LANCL2: variants seen among roughly 807,000 people sequenced by gnomAD.
LANCL2 encodes the protein LanC like glutathione S-transferase 2.
Under a neutral mutation model 56.9 loss-of-function variants are expected in LANCL2, and 33 were observed. That is an observed-to-expected ratio of 0.58 (90% CI 0.44 to 0.78). The LOEUF (loss-of-function observed/expected upper bound fraction) is 0.78, where lower values mean the gene tolerates loss of function less well. LANCL2 is among the 30% of genes least tolerant of loss of function. The probability of loss-of-function intolerance (pLI) is 0.00; values close to 1 mark genes in which losing one functional copy is unlikely to be tolerated. For missense variants in LANCL2, 562 were observed against 580.2 expected (o/e 0.97, Z 0.32); for synonymous variants, 233 against 228.2 (o/e 1.02, Z -0.19).
chr7:55,369,460 C>A (rs565000589), intron 1 of LANCL2, among the ~76,000 whole-genome samples: 3 of 152,232 alleles, frequency 2.0e-5, no homozygotes, highest in African/African-American at 7.2e-5. Context: ...CTTCTCTGGG[C>A]CATATTTCCA....
At chr7:55,428,330 C>A in intron 7 of LANCL2, 45 bp from the exon 8 acceptor site, 1 of 1,533,732 alleles carries the variant, frequency 6.5e-7, no homozygotes, top group Non-Finnish European at 9.0e-7. Context: ...TGCCTTTTCA[C>A]CAGGTAGAAA....
intron 8 of LANCL2, among the ~76,000 whole-genome samples, chr7:55,430,043 T>G (rs1471741584): frequency 1.3e-5 from 2 of 152,212 alleles, no homozygotes; most frequent in African/African-American, 4.8e-5. Context: ...CACCGCCCAG[T>G]GGATCCGCTG....
chr7:55,428,187 A>G, intron 7 of LANCL2, 188 bp from the exon 8 acceptor site: 1 of 607,368 alleles, frequency 1.6e-6, no homozygotes, highest in South Asian at 2.0e-5. Flanking sequence ...CAGCTGAGGC[A>G]GCCGCAAGCA....
chr7:55,431,617 C>A lies in LANCL2; in HGVS notation c.*297C>A. The A allele has an allele frequency of 3.1e-6, 1 of 317,666 alleles. No individual in the cohort carries two copies. Among genetic ancestry groups the A allele is most frequent in the African/African-American group, 2.1e-5 (1 of 46,880 alleles). The allele number at this position is 317,666 out of a possible 1,614,324, so 19.7% of individuals were successfully genotyped here. A position where few individuals can be genotyped will look rare whatever the true frequency, so the allele number is the denominator to read the frequency against. Reference sequence around the variant, plus strand: ...TGGAAGGCCCTTCTATTCCTGAGGGCTCAGAGCTGACCATGCATGAATGTA... The same window carrying A: ...TGGAAGGCCCTTCTATTCCTGAGGGATCAGAGCTGACCATGCATGAATGTA... On this transcript the variant is annotated 3_prime_UTR_variant, in exon 9 of 9. Transcript: ENST00000254770.
At chr7:55,403,549 G>T (rs1562864800) in intron 5 of LANCL2, among the ~76,000 whole-genome samples, 1 of 147,212 alleles carries the variant, frequency 6.8e-6, no homozygotes, top group East Asian at 2.0e-4. Flanking sequence ...ACTTTTCTGG[G>T]TTTTTTTTGT....
chr7:55,425,065 T>G (rs534665128), intron 6 of LANCL2, among the ~76,000 whole-genome samples, 189 bp from the exon 7 acceptor site: 1 of 152,214 alleles, frequency 6.6e-6, no homozygotes, highest in Non-Finnish European at 1.5e-5. Flanking sequence ...GCTGGGCTAA[T>G]GGATTGAGAT....
intron 1 of LANCL2, among the ~76,000 whole-genome samples, chr7:55,379,234 T>C (rs1304119808): frequency 6.6e-6 from 1 of 152,200 alleles, no homozygotes; most frequent in Non-Finnish European, 1.5e-5. Context: ...TAGGTTACCA[T>C]GATAGAGCTA....
At chr7:55,366,672 G>A (rs1789877003) in intron 1 of LANCL2, among the ~76,000 whole-genome samples, 1 of 152,218 alleles carries the variant, frequency 6.6e-6, no homozygotes, top group South Asian at 2.1e-4. Context: ...TGTCCGTACT[G>A]TCTGTGTGCC....
At chr7:55,366,797 C>T (rs890050551) in intron 1 of LANCL2, among the ~76,000 whole-genome samples, 1 of 152,202 alleles carries the variant, frequency 6.6e-6, no homozygotes, top group Non-Finnish European at 1.5e-5. Context: ...ACATACATCT[C>T]TTGAATATGT....
In LANCL2 at chr7:55,365,978, G is replaced by C. The variant is rs1380004720; in HGVS notation, c.-48G>C. On this transcript the variant is annotated 5_prime_UTR_variant, in exon 1 of 9. Coordinates refer to ENST00000254770, the MANE Select transcript of LANCL2 (RefSeq NM_018697.4). ...AGGCGGCGGCGGGGCGAGCTGCAGCGCCGGGACAGGAGGTTTGTCCCCGCC... is the reference window on the plus strand; with the variant it reads ...AGGCGGCGGCGGGGCGAGCTGCAGCCCCGGGACAGGAGGTTTGTCCCCGCC... 3 of 1,344,302 alleles carry C rather than the reference G, an allele frequency of 2.2e-6. No homozygotes were observed. Among genetic ancestry groups the C allele is most frequent in the Non-Finnish European group, 2.9e-6 (3 of 1,029,448 alleles). The allele number at this position is 1,344,302 out of a possible 1,614,324, so 83.3% of individuals were successfully genotyped here.
rs1330883282 is a variant in LANCL2, at chr7:55,365,511, C to T, written c.-515C>T. The T allele has an allele frequency of 6.6e-6, 1 of 152,426 alleles. No homozygotes were observed. 9.4% of individuals were successfully genotyped at this position (152,426 alleles called of 1,614,324 possible). A position where few individuals can be genotyped will look rare whatever the true frequency, so the allele number is the denominator to read the frequency against. ...GACGGCGCGCCAGGGGCTGAGCTCG[C>T]CCCGGTCGGCGACGCGCACACACCT... On this transcript the variant is annotated 5_prime_UTR_variant, in exon 1 of 9. Coordinates refer to ENST00000254770, the MANE Select transcript of LANCL2 (RefSeq NM_018697.4).
At chr7:55,367,173 G>T (rs1789884646) in intron 1 of LANCL2, among the ~76,000 whole-genome samples, 1 of 152,196 alleles carries the variant, frequency 6.6e-6, no homozygotes, top group Admixed American at 6.5e-5. Flanking sequence ...AGAATCTAAC[G>T]TGGGAGGCAA....
At chr7:55,424,452 G>T (rs1309794258) in intron 6 of LANCL2, among the ~76,000 whole-genome samples, 2 of 152,262 alleles carry the variant, frequency 1.3e-5, no homozygotes, top group African/African-American at 4.8e-5. Context: ...GATGTGTACT[G>T]ATCAGTGTAT....
intron 5 of LANCL2, among the ~76,000 whole-genome samples, chr7:55,408,756 A>C (rs969661269): frequency 6.6e-6 from 1 of 152,134 alleles, no homozygotes; most frequent in African/African-American, 2.4e-5. Flanking sequence ...CAGACAGACA[A>C]ATCCACATCA....
At chr7:55,426,797 G>A (rs534919521) in intron 7 of LANCL2, among the ~76,000 whole-genome samples, 21 of 152,342 alleles carry the variant, frequency 1.4e-4, no homozygotes, top group African/African-American at 3.6e-4. Context: ...GCTGGAGCAC[G>A]GGGGATGGGG....
chr7:55,386,619 G>A (rs1418723200), intron 1 of LANCL2, among the ~76,000 whole-genome samples: 1 of 152,160 alleles, frequency 6.6e-6, no homozygotes, highest in Non-Finnish European at 1.5e-5. Context: ...AAGAAAGACG[G>A]ACTTTAGCTT....
At chr7:55,386,389 C>G (rs957888790) in intron 1 of LANCL2, among the ~76,000 whole-genome samples, 1 of 152,196 alleles carries the variant, frequency 6.6e-6, no homozygotes, top group Non-Finnish European at 1.5e-5. Flanking sequence ...CCACATTCTT[C>G]TCTCATGGCT....
intron 2 of LANCL2, among the ~76,000 whole-genome samples, chr7:55,397,460 CAA>C (rs35547837): frequency 9.2e-4 from 83 of 90,314 alleles, no homozygotes; most frequent in Middle Eastern, 5.6e-3. Flanking sequence ...GACTCTGTCT[CAA>C]AAAAAAAAAA....
At chr7:55,417,886 G>A (rs903439966) in intron 6 of LANCL2, among the ~76,000 whole-genome samples, 6 of 151,774 alleles carry the variant, frequency 4.0e-5, no homozygotes, top group African/African-American at 1.2e-4. Flanking sequence ...CACCATGTTC[G>A]CCAGGCTGGT....
Sources: allele counts gnomAD v4.1 joint callset (sites outside exome capture counted in the v4.1 genomes callset), GRCh38; gene constraint gnomAD v4.1.1; transcripts MANE v1.5; gene names NCBI Gene and HGNC (gene_info 2026-07-23, HGNC 2026-07-21).